The following SPATS2 variants were observed in gnomAD, a reference collection of about 807,000 sequenced individuals.
The protein encoded by SPATS2 is spermatogenesis associated serine rich 2.
Under a neutral mutation model 63.7 loss-of-function variants are expected in SPATS2, and 38 were observed. The ratio of observed to expected loss-of-function variants is 0.60; its 90% CI spans 0.46 to 0.78. The LOEUF (loss-of-function observed/expected upper bound fraction) is 0.78, where lower values mean the gene tolerates loss of function less well. Ranked by LOEUF, SPATS2 falls within the 30% of genes least tolerant of loss-of-function variation. The pLI is 0.00. For missense variants in SPATS2, 588 were observed against 666.2 expected, an observed-to-expected ratio of 0.88 and a Z score of 1.29; for synonymous variants, 207 against 232.9, an observed-to-expected ratio of 0.89 and a Z score of 1.01.
intron 3 of SPATS2, among the ~76,000 whole-genome samples, chr12:49,466,160 T>G (rs1945910806): frequency 6.6e-6 from 1 of 151,952 alleles, no homozygotes; most frequent in South Asian, 2.1e-4. Context: ...GAGTTAGTTT[T>G]TTTGGGTTTT....
chr12:49,499,802 G>T (rs1002040612), intron 8 of SPATS2, among the ~76,000 whole-genome samples: 2 of 152,128 alleles, frequency 1.3e-5, no homozygotes, highest in African/African-American at 4.8e-5. Flanking sequence ...CACATTGTCT[G>T]AAAACCATTG....
chr12:49,471,404 T>G (rs1390205487), intron 3 of SPATS2, among the ~76,000 whole-genome samples: 1 of 152,188 alleles, frequency 6.6e-6, no homozygotes, highest in Non-Finnish European at 1.5e-5. Flanking sequence ...AGTGGCACAG[T>G]CAGCTCACTG....
chr12:49,512,740 G>T (rs1946773488), intron 9 of SPATS2: 1 of 495,284 alleles, frequency 2.0e-6, no homozygotes, highest in African/African-American at 2.1e-5. Flanking sequence ...AGAGAAAAAG[G>T]ATTTGTCATC....
At chr12:49,512,791 A>G in intron 9 of SPATS2, 1 of 1,129,026 alleles carries the variant, frequency 8.9e-7, no homozygotes, top group Non-Finnish European at 1.2e-6. Context: ...ATTTGGCAAC[A>G]TAAGAGAGGT....
chr12:49,523,823 G>A (rs527939879), intron 12 of SPATS2, among the ~76,000 whole-genome samples: 1 of 151,942 alleles, frequency 6.6e-6, no homozygotes, highest in African/African-American at 2.4e-5. Flanking sequence ...GTGGTGGTGG[G>A]TGCCTGTAGT....
intron 2 of SPATS2, among the ~76,000 whole-genome samples, chr12:49,380,866 G>A (rs1944206408): frequency 6.6e-6 from 1 of 151,630 alleles, no homozygotes; most frequent in Non-Finnish European, 1.5e-5. Flanking sequence ...GGAATTGCTG[G>A]GTCATATAGT....
chr12:49,403,634 CACACACAA>C (rs1269742844), intron 2 of SPATS2, among the ~76,000 whole-genome samples: 16 of 146,572 alleles, frequency 1.1e-4, no homozygotes, highest in African/African-American at 4.3e-4. Flanking sequence ...CACACACACA[CACACACAA>C]ACAAAACTGG....
At chr12:49,480,620 AT>A (rs1278633646) in intron 3 of SPATS2, among the ~76,000 whole-genome samples, 2 of 152,224 alleles carry the variant, frequency 1.3e-5, no homozygotes, top group East Asian at 3.9e-4. Flanking sequence ...CCTTGGTGAC[AT>A]TTCTTTTGTG....
chr12:49,517,248 A>G (rs1352171375), intron 10 of SPATS2, among the ~76,000 whole-genome samples: 4 of 152,200 alleles, frequency 2.6e-5, no homozygotes, highest in African/African-American at 9.7e-5. Flanking sequence ...GCGTTAAGAA[A>G]CTTTTGTAGG....
At chr12:49,480,795 G>GTT (rs536886677) in intron 3 of SPATS2, among the ~76,000 whole-genome samples, 8 of 140,904 alleles carry the variant, frequency 5.7e-5, no homozygotes, top group African/African-American at 7.8e-5. Context: ...GTTGTTTTCT[G>GTT]TTTTTTTTTT....
Position 49,522,817 on chromosome 12 carries a change from G to T in SPATS2, c.1075G>T (p.Glu359Ter). 1 of 1,613,752 alleles carries T rather than the reference G, an allele frequency of 6.2e-7. No homozygotes were observed. The highest frequency in any genetic ancestry group is 1.1e-5 in the South Asian group (1 of 91,066). The change falls in exon 12 of 14, where the codon GAG becomes TAG. Residue 359 changes from glutamate (E) to a stop codon, truncating the protein, a stop_gained. Transcript: ENST00000552918. LOFTEE classifies it high-confidence loss of function. Reference protein sequence around the residue: ...GRVARFTCDVETLKKSIDSFG... With the variant: ...GRVARFTCDV Reference sequence around the variant, plus strand: ...AGTAGCCCGGTTCACCTGTGATGTAGAGACCCTAAAGAAGAGCATTGATTC... The same window carrying T: ...AGTAGCCCGGTTCACCTGTGATGTATAGACCCTAAAGAAGAGCATTGATTC...
In SPATS2 at chr12:49,526,197, A is replaced by C; in HGVS notation, c.1580A>C (p.Lys527Thr). The C allele has an allele frequency of 6.2e-7, 1 of 1,614,204 alleles. No individual in the cohort carries two copies. Among genetic ancestry groups the C allele is most frequent in the Non-Finnish European group, 8.5e-7 (1 of 1,180,036 alleles). The change falls in exon 14 of 14, where the codon AAA becomes ACA. Residue 527 changes from lysine (K) to threonine (T), a missense_variant. By Grantham distance (78) the Lys-to-Thr change is moderately conservative (BLOSUM62 -1). Transcript: ENST00000552918. ...CCCAGCCCTCCCACGCCTTCATTCA[A>C]AAAGGGGCTCCCCCAGCGCAAACCC... ...MEPSPPTPSF[K>T]KGLPQRKPRT...
chr12:49,411,261 G>T (rs1227374853), intron 2 of SPATS2, among the ~76,000 whole-genome samples: 2 of 152,050 alleles, frequency 1.3e-5, no homozygotes, highest in Non-Finnish European at 2.9e-5. Flanking sequence ...TAATGCCCTT[G>T]GTCATCTCAG....
At position 49,454,880 on chromosome 12, in the gene SPATS2, T is replaced by TAA. The variant is rs34249831; in HGVS notation, c.-243-5873_-243-5872dup. On this transcript the variant is annotated intron_variant, in intron 2 of 13. Transcript: ENST00000552918. ...GGGTGACAGAGTGAGGCTCTGTCTTTAAAAAAAAAAAAAAAAAACAGTCCA... is the reference window on the plus strand; with the variant it reads ...GGGTGACAGAGTGAGGCTCTGTCTTTAAAAAAAAAAAAAAAAAAAACAGTCCA... Among the ~76,000 whole-genome samples, 81 of 129,648 alleles carry TAA rather than the reference T, an allele frequency of 6.2e-4. 1 individual carries two copies. Among genetic ancestry groups the TAA allele is most frequent in the African/African-American group, 1.5e-3 (53 of 35,762 alleles). The allele number at this position is 129,648 out of a possible 152,430, so 85.1% of individuals were successfully genotyped here.
At chr12:49,369,669 A>G (rs1943965306) in intron 1 of SPATS2, among the ~76,000 whole-genome samples, 2 of 152,208 alleles carry the variant, frequency 1.3e-5, no homozygotes. Flanking sequence ...AGTTCATTGA[A>G]GGTTTACTGC....
intron 9 of SPATS2, among the ~76,000 whole-genome samples, chr12:49,506,057 C>A (rs752615473): frequency 5.9e-5 from 9 of 152,170 alleles, no homozygotes; most frequent in Non-Finnish European, 8.8e-5. Flanking sequence ...TAAATTACAT[C>A]AGATATTCAA....
At chr12:49,488,198 C>A (rs1946326929) in intron 4 of SPATS2, among the ~76,000 whole-genome samples, 1 of 152,020 alleles carries the variant, frequency 6.6e-6, no homozygotes, top group South Asian at 2.1e-4. Context: ...GCATGCGTCA[C>A]TGTGCCCAAC....
rs555409481 is a variant in SPATS2 at position 49,446,630 on chromosome 12, C to CT, written c.-243-14139dup. 4.7e-4 allele frequency among the ~76,000 whole-genome samples: 72 copies of CT among 152,330 alleles called. No individual in the cohort carries two copies. The South Asian group carries it at 0.012, about 26-fold the overall frequency. Reference sequence around the variant, plus strand: ...AGGTTAGGTTCCTCTTGCTTCAAATCTGTCTTTCCCCTTTGCCACATCTCT... The same window carrying CT: ...AGGTTAGGTTCCTCTTGCTTCAAATCTTGTCTTTCCCCTTTGCCACATCTCT... On this transcript the variant is annotated intron_variant, in intron 2 of 13. Coordinates refer to ENST00000552918, the MANE Select transcript of SPATS2 (RefSeq NM_023071.4).
At position 49,462,472 on chromosome 12, in the gene SPATS2, T is replaced by G. The variant is rs573502037; in HGVS notation, c.25+1435T>G. 6.8e-4 allele frequency: 476 copies of G among 701,168 alleles called. 4 individuals are homozygous for G. The South Asian group carries it at 6.9e-3, about 10-fold the overall frequency. 43.4% of individuals were successfully genotyped at this position (701,168 alleles called of 1,614,324 possible). A position where few individuals can be genotyped will look rare whatever the true frequency, so the allele number is the denominator to read the frequency against. On this transcript the variant is annotated intron_variant, in intron 3 of 13. Transcript: ENST00000552918. The stretch of plus-strand genomic sequence containing the variant: ...CTCTGCCATTTGTGGACGGCTTAAG[T>G]GTTAACAGCTCAGTGGGCCCTTTCC...
Sources: gnomAD v4.1 joint callset for allele counts (sites outside exome capture counted in the v4.1 genomes callset) on GRCh38, gnomAD v4.1.1 for gene constraint, MANE v1.5 for transcripts, NCBI Gene and HGNC (gene_info 2026-07-23, HGNC 2026-07-21) for gene names.